CUX1: variants seen among roughly 807,000 people sequenced by gnomAD.
CUX1 encodes the protein cut like homeobox 1, also known as protein CASP.
CUX1 carries 31 observed loss-of-function variants against 158.8 expected under a neutral mutation model. That is an observed-to-expected ratio of 0.20 (90% confidence interval 0.15 to 0.26). The LOEUF is 0.26. Among genes scored for constraint, CUX1 ranks in the 10% least tolerant of loss-of-function variants. The probability of loss-of-function intolerance (pLI) is 1.00; values close to 1 mark genes in which losing one functional copy is unlikely to be tolerated. For synonymous variants in CUX1, 879 were observed against 862.1 expected, an observed-to-expected ratio of 1.02 and a Z score of -0.34; for missense variants, 1,589 against 2,014.6, an observed-to-expected ratio of 0.79 and a Z score of 4.04.
intron 5 of CUX1, among the ~76,000 whole-genome samples, chr7:102,103,417 TTC>T (rs534006579): frequency 1.8e-4 from 26 of 146,252 alleles, no homozygotes; most frequent in South Asian, 1.5e-3. Context: ...TGCTCTCCGT[TTC>T]TCTCTCTCTC....
intron 20 of CUX1, among the ~76,000 whole-genome samples, chr7:102,224,005 A>G (rs1405732175): frequency 6.6e-6 from 1 of 152,068 alleles, no homozygotes; most frequent in Admixed American, 6.5e-5. Flanking sequence ...CCCCAACATG[A>G]TGTTCTGAGC....
At chr7:102,259,052 TATTA>T (rs1196094935), downstream of CUX1, among the ~76,000 whole-genome samples, 3 of 152,174 alleles carry the variant, frequency 2.0e-5, no homozygotes, top group African/African-American at 7.2e-5. Flanking sequence ...CTTGGTCGCA[TATTA>T]ATTTGGAGAT....
intron 10 of CUX1, among the ~76,000 whole-genome samples, chr7:102,175,122 A>G (rs1426990280): frequency 6.6e-6 from 1 of 152,190 alleles, no homozygotes; most frequent in African/African-American, 2.4e-5. Flanking sequence ...GGAGTTGGCC[A>G]GTGTGGCCGA....
At chr7:101,825,719 G>C (rs1036619335) in intron 1 of CUX1, among the ~76,000 whole-genome samples, 1 of 149,926 alleles carries the variant, frequency 6.7e-6, no homozygotes, top group Non-Finnish European at 1.5e-5. Flanking sequence ...TAATTATGCT[G>C]TCATCTTAAA....
At chr7:102,097,330 C>T in intron 4 of CUX1, 34 bp from the exon 5 acceptor site, 2 of 1,584,648 alleles carry the variant, frequency 1.3e-6, no homozygotes. Context: ...GTTTGCTGGC[C>T]GAGTGGGGTG....
chr7:102,116,124 G>C (rs1585747886), intron 8 of CUX1, among the ~76,000 whole-genome samples: 1 of 152,266 alleles, frequency 6.6e-6, no homozygotes, highest in East Asian at 1.9e-4. Context: ...GGGTACTTCT[G>C]AATGGCGCCG....
At chr7:101,864,400 G>T (rs917220491) in intron 1 of CUX1, among the ~76,000 whole-genome samples, 3 of 152,076 alleles carry the variant, frequency 2.0e-5, no homozygotes, top group African/African-American at 7.2e-5. Flanking sequence ...GAGCTCAAGC[G>T]ATCCTGCTGC....
At chr7:102,051,223 C>T (rs371422791) in intron 3 of CUX1, among the ~76,000 whole-genome samples, 1 of 152,122 alleles carries the variant, frequency 6.6e-6, no homozygotes, top group African/African-American at 2.4e-5. Context: ...AATAGCCCTC[C>T]TCTCCCCACT....
chr7:102,140,578 G>A (rs1253857485), intron 8 of CUX1, among the ~76,000 whole-genome samples: 2 of 151,788 alleles, frequency 1.3e-5, no homozygotes, highest in South Asian at 2.1e-4. Context: ...AAGAGTTCGA[G>A]GCTGGGTGCA....
chr7:102,112,849 G>A (rs1831077278), intron 7 of CUX1, among the ~76,000 whole-genome samples: 1 of 152,164 alleles, frequency 6.6e-6, no homozygotes, highest in Admixed American at 6.5e-5. Context: ...TTCTGAAAGA[G>A]AAGCATCACC....
At chr7:102,080,876 C>T (rs1018097117) in intron 4 of CUX1, among the ~76,000 whole-genome samples, 3 of 152,174 alleles carry the variant, frequency 2.0e-5, no homozygotes, top group Non-Finnish European at 4.4e-5. Flanking sequence ...ACTTAGTTGA[C>T]GATAACATAT....
At chr7:102,088,280 G>C (rs1828158186) in intron 4 of CUX1, among the ~76,000 whole-genome samples, 2 of 152,288 alleles carry the variant, frequency 1.3e-5, no homozygotes, top group South Asian at 4.1e-4. Flanking sequence ...TTACAAGCGT[G>C]AGCCACCGCG....
At chr7:102,091,645 AGCTTTT>A (rs1365354969) in intron 4 of CUX1, among the ~76,000 whole-genome samples, 1 of 152,068 alleles carries the variant, frequency 6.6e-6, no homozygotes, top group Non-Finnish European at 1.5e-5. Context: ...AGGATCACTT[AGCTTTT>A]CTAAAGAAAA....
intron 8 of CUX1, among the ~76,000 whole-genome samples, chr7:102,142,217 T>C (rs1465515403): frequency 6.6e-6 from 1 of 152,118 alleles, no homozygotes. Flanking sequence ...GTCCAAAATA[T>C]GATTTGGCGC....
intron 2 of CUX1, among the ~76,000 whole-genome samples, chr7:101,938,741 A>G (rs1186546559): frequency 6.6e-6 from 1 of 151,900 alleles, no homozygotes; most frequent in Non-Finnish European, 1.5e-5. Context: ...CCCTGTCTCT[A>G]CTCAAAACAC....
chr7:102,052,446 T>C (rs181846552), intron 3 of CUX1, among the ~76,000 whole-genome samples: 105 of 152,368 alleles, frequency 6.9e-4, no homozygotes, highest in African/African-American at 2.4e-3. Flanking sequence ...ATCTATGCTG[T>C]AGCATATACC....
At chr7:102,041,761 G>A (rs1227980639) in intron 3 of CUX1, among the ~76,000 whole-genome samples, 6 of 143,510 alleles carry the variant, frequency 4.2e-5, no homozygotes, top group African/African-American at 1.6e-4. Flanking sequence ...TCCACCTCCC[G>A]GGTTCAAGCG....
At chr7:101,868,046 T>C (rs1179598812) in intron 1 of CUX1, among the ~76,000 whole-genome samples, 1 of 152,122 alleles carries the variant, frequency 6.6e-6, no homozygotes, top group African/African-American at 2.4e-5. Flanking sequence ...GAGGTCTCGC[T>C]ATGTTACCCA....
At chr7:102,015,394 AT>A (rs1818473040) in intron 2 of CUX1, among the ~76,000 whole-genome samples, 1 of 151,840 alleles carries the variant, frequency 6.6e-6, no homozygotes, top group Non-Finnish European at 1.5e-5. Flanking sequence ...TGCCCAGCTA[AT>A]TTTTGTATTT....
Sources: allele counts gnomAD v4.1 joint callset (sites outside exome capture counted in the v4.1 genomes callset), GRCh38; gene constraint gnomAD v4.1.1; transcripts MANE v1.5; gene names NCBI Gene and HGNC (gene_info 2026-07-23, HGNC 2026-07-21).